The following CSMD1 variants were observed in gnomAD, a reference collection of about 807,000 sequenced individuals.
The protein encoded by CSMD1 is CUB and sushi domain-containing protein 1.
A neutral mutation model predicts 417.5 loss-of-function variants in CSMD1; 213 were observed. That is an observed-to-expected ratio of 0.51 (90% CI 0.46 to 0.57). The LOEUF (loss-of-function observed/expected upper bound fraction) is 0.57, where lower values mean the gene tolerates loss of function less well. Among genes scored for constraint, CSMD1 ranks in the 20% least tolerant of loss-of-function variants. CSMD1 has a pLI of 0.00. For synonymous variants in CSMD1, 2,862 were observed against 1,736.8 expected (o/e 1.65, Z -16.11); for missense variants, 6,923 against 4,529.7 (o/e 1.53, Z -15.17).
intron 3 of CSMD1, among the ~76,000 whole-genome samples, chr8:4,366,322 G>A (rs185924106): frequency 6.6e-6 from 1 of 151,828 alleles, no homozygotes; most frequent in African/African-American, 2.4e-5. Context: ...TCTTTAGCCA[G>A]TTCACCATTG....
chr8:3,786,282 G>A (rs1013441384), intron 5 of CSMD1, among the ~76,000 whole-genome samples: 2 of 152,130 alleles, frequency 1.3e-5, no homozygotes, highest in South Asian at 2.1e-4. Context: ...GGGCATGGAG[G>A]TTAGAAGAGA....
chr8:3,948,287 A>G (rs1266305863), intron 5 of CSMD1, among the ~76,000 whole-genome samples: 2 of 152,168 alleles, frequency 1.3e-5, no homozygotes, highest in African/African-American at 4.8e-5. Context: ...ATAAAAACAA[A>G]AAGTCATGTT....
At position 2,935,425 on chromosome 8, in the gene CSMD1, A is replaced by T. The variant is rs1365261590; in HGVS notation, c.*3160T>A. On this transcript the variant is annotated 3_prime_UTR_variant, in exon 70 of 70. Coordinates refer to ENST00000635120, the MANE Select transcript of CSMD1 (RefSeq NM_033225.6). ...AGATTGGTGGCATTGCACAGGCTATATTACACCCTCTTTATAATTTTTTTG... is the reference window on the plus strand; with the variant it reads ...AGATTGGTGGCATTGCACAGGCTATTTTACACCCTCTTTATAATTTTTTTG... 1 of 152,146 alleles carries T rather than the reference A, an allele frequency of 6.6e-6. No individual in the cohort carries two copies. The highest frequency in any genetic ancestry group is 6.5e-5 in the Admixed American group (1 of 15,282). The allele number at this position is 152,146 out of a possible 1,614,324, so 9.4% of individuals were successfully genotyped here. A position where few individuals can be genotyped will look rare whatever the true frequency, so the allele number is the denominator to read the frequency against.
At chr8:4,767,063 A>C (rs1812516179) in intron 1 of CSMD1, among the ~76,000 whole-genome samples, 1 of 152,210 alleles carries the variant, frequency 6.6e-6, no homozygotes, top group Non-Finnish European at 1.5e-5. Flanking sequence ...ACTGCTTTAT[A>C]ATGTTATCTA....
intron 10 of CSMD1, among the ~76,000 whole-genome samples, chr8:3,554,412 G>T (rs1485324059): frequency 6.6e-6 from 1 of 152,196 alleles, no homozygotes; most frequent in Non-Finnish European, 1.5e-5. Flanking sequence ...GCCCCCTCTG[G>T]GGGTCTGGGG....
At chr8:3,582,590 C>T (rs775654043) in intron 9 of CSMD1, among the ~76,000 whole-genome samples, 1 of 152,136 alleles carries the variant, frequency 6.6e-6, no homozygotes, top group Non-Finnish European at 1.5e-5. Flanking sequence ...TCATATGTGG[C>T]AACTGCTAGC....
At chr8:3,272,741 T>C (rs1157612348) in intron 26 of CSMD1, among the ~76,000 whole-genome samples, 2 of 146,450 alleles carry the variant, frequency 1.4e-5, no homozygotes, top group African/African-American at 5.1e-5. Flanking sequence ...TTGTCTGTTG[T>C]TGGTGTATAA....
At chr8:3,951,202 T>C (rs762983743) in intron 5 of CSMD1, among the ~76,000 whole-genome samples, 2 of 152,148 alleles carry the variant, frequency 1.3e-5, no homozygotes, top group African/African-American at 2.4e-5. Flanking sequence ...AAGACCTGTA[T>C]AGGTAGTTTG....
intron 3 of CSMD1, among the ~76,000 whole-genome samples, chr8:4,177,561 G>C (rs1004188498): frequency 1.4e-4 from 21 of 151,910 alleles, no homozygotes; most frequent in Non-Finnish European, 2.4e-4. Context: ...CTAGCAGAAG[G>C]CAAGAAATAA....
chr8:4,214,822 A>G (rs1800536006), intron 3 of CSMD1, among the ~76,000 whole-genome samples: 1 of 152,180 alleles, frequency 6.6e-6, no homozygotes, highest in East Asian at 1.9e-4. Context: ...AAAAATACGA[A>G]CAAATTTGAA....
At chr8:3,305,169 G>T (rs1345214959) in intron 25 of CSMD1, among the ~76,000 whole-genome samples, 3 of 152,130 alleles carry the variant, frequency 2.0e-5, no homozygotes, top group African/African-American at 7.2e-5. Flanking sequence ...ACAGGTGTGA[G>T]CCGCTATGCC....
At chr8:4,941,075 T>A (rs529653963) in intron 1 of CSMD1, among the ~76,000 whole-genome samples, 1 of 152,344 alleles carries the variant, frequency 6.6e-6, no homozygotes, top group East Asian at 1.9e-4. Context: ...AGATAAACCA[T>A]CTCAAACATA....
At chr8:3,534,417 C>T (rs930395253) in intron 10 of CSMD1, among the ~76,000 whole-genome samples, 3 of 151,854 alleles carry the variant, frequency 2.0e-5, no homozygotes, top group Non-Finnish European at 4.4e-5. Context: ...GATCTTCTCT[C>T]CTTTGTTTTG....
chr8:4,706,687 T>C (rs1325973698), intron 1 of CSMD1, among the ~76,000 whole-genome samples: 1 of 152,164 alleles, frequency 6.6e-6, no homozygotes, highest in Non-Finnish European at 1.5e-5. Context: ...CTGAAGTTAA[T>C]AATGGCATGA....
At chr8:3,725,988 A>G (rs1382910511) in intron 6 of CSMD1, among the ~76,000 whole-genome samples, 5 of 152,166 alleles carry the variant, frequency 3.3e-5, no homozygotes, top group Admixed American at 6.5e-5. Flanking sequence ...GTGTGTGACT[A>G]CGGAGACCGG....
intron 3 of CSMD1, among the ~76,000 whole-genome samples, chr8:4,410,248 C>G (rs561322187): frequency 1.3e-5 from 2 of 152,318 alleles, no homozygotes; most frequent in Admixed American, 6.5e-5. Context: ...TGCCAACTCT[C>G]TAAGGTAGGT....
At chr8:3,195,210 T>C (rs1796638390) in intron 33 of CSMD1, among the ~76,000 whole-genome samples, 1 of 152,116 alleles carries the variant, frequency 6.6e-6, no homozygotes, top group Non-Finnish European at 1.5e-5. Context: ...CATGAAGGTT[T>C]ACTGAGACAC....
intron 12 of CSMD1, among the ~76,000 whole-genome samples, chr8:3,452,371 G>C (rs1382381050): frequency 6.6e-6 from 1 of 152,182 alleles, no homozygotes; most frequent in Non-Finnish European, 1.5e-5. Context: ...GCAGTGGTGA[G>C]AGAGGGCACT....
chr8:4,764,100 A>G (rs946381379), intron 1 of CSMD1, among the ~76,000 whole-genome samples: 14 of 152,190 alleles, frequency 9.2e-5, no homozygotes, highest in Non-Finnish European at 2.1e-4. Context: ...CTCCACCTCC[A>G]GAGAGGTAAT....
Sources: allele counts gnomAD v4.1 joint callset (sites outside exome capture counted in the v4.1 genomes callset), GRCh38; gene constraint gnomAD v4.1.1; transcripts MANE v1.5; gene names NCBI Gene and HGNC (gene_info 2026-07-23, HGNC 2026-07-21).